Variants in ERBB4 observed in about 807,000 individuals in gnomAD.
ERBB4 encodes the protein erb-b2 receptor tyrosine kinase 4.
A neutral mutation model predicts 158.0 loss-of-function variants in ERBB4; 42 were observed. That is an observed-to-expected ratio of 0.27 (90% CI 0.21 to 0.34). ERBB4 has a LOEUF of 0.34. Among genes scored for constraint, ERBB4 ranks in the 10% least tolerant of loss-of-function variants. The pLI is 1.00. For synonymous variants in ERBB4, 583 were observed against 558.7 expected (o/e 1.04, Z -0.61); for missense variants, 1,333 against 1,624.1 (o/e 0.82, Z 3.08).
intron 1 of ERBB4, among the ~76,000 whole-genome samples, chr2:212,462,407 C>CA (rs1320185125): frequency 1.3e-5 from 2 of 151,778 alleles, no homozygotes; most frequent in Admixed American, 6.6e-5. Context: ...AACTCAACAG[C>CA]AAAAAAATAA....
intron 12 of ERBB4, among the ~76,000 whole-genome samples, chr2:211,697,763 C>A (rs753057511): frequency 2.6e-5 from 4 of 151,956 alleles, no homozygotes; most frequent in Non-Finnish European, 4.4e-5. Flanking sequence ...CGTTACTATC[C>A]CACAGTGTTT....
At chr2:211,756,269 G>A (rs2075285752) in intron 4 of ERBB4, among the ~76,000 whole-genome samples, 1 of 152,156 alleles carries the variant, frequency 6.6e-6, no homozygotes, top group Non-Finnish European at 1.5e-5. Flanking sequence ...GATTGCAGAA[G>A]GCTCTGCAGT....
intron 2 of ERBB4, among the ~76,000 whole-genome samples, chr2:212,062,500 C>A (rs371352209): frequency 1.5e-5 from 2 of 130,086 alleles, no homozygotes; most frequent in East Asian, 5.6e-4. Flanking sequence ...CTCCAGCTCC[C>A]TGGTTTAAGC....
At chr2:211,423,627 A>G (rs2063558158) in intron 23 of ERBB4, among the ~76,000 whole-genome samples, 1 of 151,984 alleles carries the variant, frequency 6.6e-6, no homozygotes, top group South Asian at 2.1e-4. Context: ...AAACATTTAT[A>G]ATCTTTTTAG....
At chr2:212,451,498 C>T (rs1213030471) in intron 1 of ERBB4, among the ~76,000 whole-genome samples, 1 of 152,026 alleles carries the variant, frequency 6.6e-6, no homozygotes, top group Non-Finnish European at 1.5e-5. Flanking sequence ...TGTTTTGATG[C>T]AATAAAAATC....
intron 2 of ERBB4, among the ~76,000 whole-genome samples, chr2:212,075,972 T>C (rs1434227954): frequency 6.6e-6 from 1 of 151,950 alleles, no homozygotes; most frequent in Non-Finnish European, 1.5e-5. Context: ...CTTACTTTTT[T>C]GTAATTTTAA....
At chr2:212,408,238 C>A (rs2091403878) in intron 1 of ERBB4, among the ~76,000 whole-genome samples, 2 of 152,004 alleles carry the variant, frequency 1.3e-5, no homozygotes, top group South Asian at 4.1e-4. Flanking sequence ...ATGCTCTCCC[C>A]TATCCCCACC....
At chr2:211,781,496 A>T (rs2076035492) in intron 4 of ERBB4, among the ~76,000 whole-genome samples, 1 of 152,220 alleles carries the variant, frequency 6.6e-6, no homozygotes, top group South Asian at 2.1e-4. Flanking sequence ...GGACTGGAGC[A>T]GCTGAGGATT....
intron 2 of ERBB4, among the ~76,000 whole-genome samples, chr2:212,041,262 C>A (rs921160196): frequency 1.3e-5 from 2 of 152,024 alleles, no homozygotes; most frequent in South Asian, 2.1e-4. Context: ...CCACTAGCTG[C>A]CAATGTTTAG....
At chr2:211,614,285 G>A (rs1274443947) in intron 19 of ERBB4, among the ~76,000 whole-genome samples, 1 of 152,000 alleles carries the variant, frequency 6.6e-6, no homozygotes, top group African/African-American at 2.4e-5. Context: ...AAGGTAGTAG[G>A]GGGCTGGGGA....
intron 20 of ERBB4, among the ~76,000 whole-genome samples, chr2:211,523,725 C>A (rs1241871905): frequency 6.6e-6 from 1 of 151,966 alleles, no homozygotes; most frequent in Non-Finnish European, 1.5e-5. Context: ...AGTGTGGACC[C>A]AATGAGTGAG....
chr2:212,464,096 G>A (rs1688710234), intron 1 of ERBB4, among the ~76,000 whole-genome samples: 1 of 152,136 alleles, frequency 6.6e-6, no homozygotes. Context: ...GAGGGTATCA[G>A]TAGACCCATG....
At chr2:212,174,807 A>G (rs976841158) in intron 1 of ERBB4, among the ~76,000 whole-genome samples, 2 of 152,052 alleles carry the variant, frequency 1.3e-5, no homozygotes, top group Non-Finnish European at 1.5e-5. Context: ...AATTCCCAAC[A>G]CCGCTCTCTT....
chr2:212,086,426 C>T (rs2078613982), intron 2 of ERBB4, among the ~76,000 whole-genome samples: 3 of 151,096 alleles, frequency 2.0e-5, no homozygotes, highest in South Asian at 4.2e-4. Context: ...GCACTAAGGC[C>T]TTATGCATTA....
chr2:211,400,132 C>T lies in ERBB4; in HGVS notation c.3136-12140G>A, dbSNP rs542115215. ...AAGAGCTCTTGATAAGAGAAAAGGA[C>T]GGTCATCCAACAGCCCCGCTGCCTT... On this transcript the variant is annotated intron_variant, in intron 25 of 27. Transcript: ENST00000342788. Among the ~76,000 whole-genome samples, 24 of 152,168 alleles carry T rather than the reference C, an allele frequency of 1.6e-4. No individual in the cohort carries two copies. The East Asian group carries it at 1.7e-3, about 11-fold the overall frequency.
intron 1 of ERBB4, among the ~76,000 whole-genome samples, chr2:212,358,468 G>C (rs2089551584): frequency 6.6e-6 from 1 of 151,632 alleles, no homozygotes; most frequent in Non-Finnish European, 1.5e-5. Flanking sequence ...CATTCAAATA[G>C]CTGAAGATTA....
At chr2:211,675,321 C>T (rs1159186863) in intron 13 of ERBB4, among the ~76,000 whole-genome samples, 1 of 152,116 alleles carries the variant, frequency 6.6e-6, no homozygotes, top group Non-Finnish European at 1.5e-5. Flanking sequence ...TCTAGTTTTT[C>T]CAAATCTAAA....
intron 1 of ERBB4, among the ~76,000 whole-genome samples, chr2:212,240,933 G>T (rs2084080844): frequency 6.6e-6 from 1 of 151,900 alleles, no homozygotes; most frequent in African/African-American, 2.4e-5. Context: ...ACATAGTAAT[G>T]GATAAGGAAA....
chr2:212,508,386 AAAAC>A (rs1335283628), intron 1 of ERBB4, among the ~76,000 whole-genome samples: 5 of 152,202 alleles, frequency 3.3e-5, no homozygotes, highest in Admixed American at 6.5e-5. Context: ...GCCATACACA[AAAAC>A]AAACTAATAA....
Sources: gnomAD v4.1 joint callset for allele counts (sites outside exome capture counted in the v4.1 genomes callset) on GRCh38, gnomAD v4.1.1 for gene constraint, MANE v1.5 for transcripts, NCBI Gene and HGNC (gene_info 2026-07-23, HGNC 2026-07-21) for gene names.